Variants in GPR55 observed in about 807,000 individuals in gnomAD.
GPR55 encodes G protein-coupled receptor 55.
In GPR55, 6 loss-of-function variants were observed where a neutral mutation model predicts 7.9. The ratio of observed to expected loss-of-function variants is 0.76; its 90% CI spans 0.41 to 1.49. The LOEUF (loss-of-function observed/expected upper bound fraction) is 1.49. GPR55 is among the 40% of genes most tolerant of loss of function. The probability of loss-of-function intolerance (pLI) is 0.01; values close to 1 mark genes in which losing one functional copy is unlikely to be tolerated. For synonymous variants in GPR55, 183 were observed against 166.8 expected (o/e 1.10, Z -0.75); for missense variants, 376 against 406.0 (o/e 0.93, Z 0.63).
chr2:230,950,958 C>T (rs1213249658), intron 1 of GPR55, among the ~76,000 whole-genome samples: 3 of 152,146 alleles, frequency 2.0e-5, no homozygotes, highest in Non-Finnish European at 2.9e-5. Context: ...GCTGAGCACA[C>T]GGAGGTTCCT....
rs528530826 is a variant in GPR55 at position 230,919,559 on chromosome 2, T to A, written c.-135+5609A>T. 5.3e-5 allele frequency among the ~76,000 whole-genome samples: 8 copies of A among 152,330 alleles called. No homozygotes were observed. The East Asian group carries it at 1.5e-3, about 29-fold the overall frequency. ...TTTGGCAAGGGTTCTGTGAAACCAG[T>A]CACCAATATGCTAGTAAGTGTACAA... On this transcript the variant is annotated intron_variant, in intron 1 of 1. Coordinates refer to ENST00000650999, the MANE Select transcript of GPR55 (RefSeq NM_005683.4).
chr2:230,911,060 C>A lies in GPR55; in HGVS notation c.-98G>T. On this transcript the variant is annotated 5_prime_UTR_variant, in exon 2 of 2. Transcript: ENST00000650999. Reference sequence around the variant, plus strand: ...TTGTCAAGAATCACAAACACCTCCCCAGCATCACACAGCAATTCATGCCCA... The same window carrying A: ...TTGTCAAGAATCACAAACACCTCCCAAGCATCACACAGCAATTCATGCCCA... 8.5e-7 allele frequency: 1 copy of A among 1,172,684 alleles called. No individual in the cohort carries two copies. Among genetic ancestry groups the A allele is most frequent in the Non-Finnish European group, 1.2e-6 (1 of 820,632 alleles). The allele number at this position is 1,172,684 out of a possible 1,614,324, so 72.6% of individuals were successfully genotyped here.
chr2:230,950,907 T>A (rs1020612524), intron 1 of GPR55, among the ~76,000 whole-genome samples: 1 of 152,074 alleles, frequency 6.6e-6, no homozygotes, highest in Non-Finnish European at 1.5e-5. Context: ...GAAGCTTCCA[T>A]AAAAACCCCA....
chr2:230,937,884 G>A (rs1691157976), intron 1 of GPR55, among the ~76,000 whole-genome samples: 1 of 152,130 alleles, frequency 6.6e-6, no homozygotes, highest in Admixed American at 6.5e-5. Context: ...TTGGGGCACA[G>A]TGGCTCATGC....
At chr2:230,939,204 G>A (rs1041106587) in intron 1 of GPR55, among the ~76,000 whole-genome samples, 1 of 152,208 alleles carries the variant, frequency 6.6e-6, no homozygotes, top group African/African-American at 2.4e-5. Context: ...TGGAGTTCTG[G>A]GGGGGCAGGG....
chr2:230,911,058 C>T lies in GPR55; in HGVS notation c.-96G>A. The T allele has an allele frequency of 8.1e-7, 1 of 1,241,384 alleles. No individual in the cohort carries two copies. The highest frequency in any genetic ancestry group is 1.1e-6 in the Non-Finnish European group (1 of 881,932). The allele number at this position is 1,241,384 out of a possible 1,614,324, so 76.9% of individuals were successfully genotyped here. A position where few individuals can be genotyped will look rare whatever the true frequency, so the allele number is the denominator to read the frequency against. On this transcript the variant is annotated 5_prime_UTR_variant, in exon 2 of 2. Transcript: ENST00000650999. ...CTTTGTCAAGAATCACAAACACCTCCCCAGCATCACACAGCAATTCATGCC... is the reference window on the plus strand; with the variant it reads ...CTTTGTCAAGAATCACAAACACCTCTCCAGCATCACACAGCAATTCATGCC...
chr2:230,934,523 G>A (rs1021670014), intron 1 of GPR55, among the ~76,000 whole-genome samples: 9 of 152,168 alleles, frequency 5.9e-5, no homozygotes, highest in African/African-American at 1.9e-4. Context: ...AAGAACCAGG[G>A]ACAGCCAGCC....
intron 1 of GPR55, among the ~76,000 whole-genome samples, chr2:230,920,996 CTT>C (rs1382012206): frequency 6.6e-6 from 1 of 151,950 alleles, no homozygotes; most frequent in African/African-American, 2.4e-5. Context: ...ATAGCATAAT[CTT>C]TGGTTTATCA....
At chr2:230,946,483 C>T (rs1691320302) in intron 1 of GPR55, among the ~76,000 whole-genome samples, 2 of 152,198 alleles carry the variant, frequency 1.3e-5, no homozygotes, top group South Asian at 2.1e-4. Context: ...TCATCATTCA[C>T]ATATCCAATT....
At chr2:230,927,611 C>A (rs562799902), upstream of GPR55, among the ~76,000 whole-genome samples, 11 of 152,354 alleles carry the variant, frequency 7.2e-5, no homozygotes, top group African/African-American at 2.6e-4. Flanking sequence ...GGAGCCTGGG[C>A]AGGTCCCTGC....
In GPR55 at chr2:230,958,158, G is replaced by A. The variant is rs1574639089; in HGVS notation, c.-135+2617C>T. Among the ~76,000 whole-genome samples the A allele has an allele frequency of 3.9e-5, 6 of 152,154 alleles. No homozygotes were observed. The South Asian group carries it at 1.0e-3, about 26-fold the overall frequency. On this transcript the variant is annotated intron_variant, in intron 1 of 1. Transcript: ENST00000392039. ...ATTTTCAGGCTGTGGCTAAAACTCA[G>A]GATAGTGAAACCACACATAAGAGAG...
chr2:230,947,295 G>A (rs1691333367), intron 1 of GPR55, among the ~76,000 whole-genome samples: 1 of 152,192 alleles, frequency 6.6e-6, no homozygotes, highest in African/African-American at 2.4e-5. Flanking sequence ...GCTGGAGCCT[G>A]CCAGCTGCAC....
At chr2:230,920,813 C>T (rs556338692) in intron 1 of GPR55, among the ~76,000 whole-genome samples, 1 of 151,784 alleles carries the variant, frequency 6.6e-6, no homozygotes, top group East Asian at 1.9e-4. Context: ...TATAATATCA[C>T]AATATAGAAA....
chr2:230,936,099 T>C (rs1297079337), intron 1 of GPR55, among the ~76,000 whole-genome samples: 2 of 151,760 alleles, frequency 1.3e-5, no homozygotes, highest in African/African-American at 2.4e-5. Flanking sequence ...TGCACAAAGG[T>C]GGAAAGGAGT....
At chr2:230,960,641 A>G (rs1691553552) in intron 1 of GPR55, 1 of 152,212 alleles carries the variant, frequency 6.6e-6, no homozygotes, top group Non-Finnish European at 1.5e-5. Context: ...CATTACTTCC[A>G]TTTTTACAAG....
intron 1 of GPR55, among the ~76,000 whole-genome samples, chr2:230,958,259 A>G (rs1384039299): frequency 6.6e-6 from 1 of 152,222 alleles, no homozygotes; most frequent in Non-Finnish European, 1.5e-5. Context: ...AAATTTTTTT[A>G]AATGTTTATG....
intron 1 of GPR55, 50 bp downstream of exon 1, chr2:230,925,118 G>T (rs1015593164): frequency 6.5e-6 from 1 of 152,818 alleles, no homozygotes; most frequent in Non-Finnish European, 1.5e-5. Flanking sequence ...AGCAAGGTCA[G>T]GTTGGAGGCT....
Position 230,923,386 on chromosome 2 carries a change from G to A in GPR55, c.-135+1782C>T, listed in dbSNP as rs1300694173. On this transcript the variant is annotated intron_variant, in intron 1 of 1. Transcript: ENST00000650999. The surrounding 1 kb of genome is among the most constrained non-coding windows in gnomAD (Gnocchi z 4.1). The stretch of plus-strand genomic sequence containing the variant: ...AAAAGCAGCATTGGCACAGCCGCAG[G>A]GATGGATTTGAGGAGCCCTGGAATA... Among the ~76,000 whole-genome samples the A allele has an allele frequency of 6.6e-6, 1 of 152,224 alleles. No individual in the cohort carries two copies. The highest frequency in any genetic ancestry group is 1.5e-5 in the Non-Finnish European group (1 of 68,038).
intron 1 of GPR55, among the ~76,000 whole-genome samples, chr2:230,956,369 G>A (rs1691484384): frequency 6.6e-6 from 1 of 151,660 alleles, no homozygotes; most frequent in South Asian, 2.1e-4. Flanking sequence ...GTTTCACCAT[G>A]TTGGCCAGGC....
Sources: allele counts gnomAD v4.1 joint callset (sites outside exome capture counted in the v4.1 genomes callset), GRCh38; gene constraint gnomAD v4.1.1; non-coding constraint Gnocchi (gnomAD v3.1); transcripts MANE v1.5; gene names NCBI Gene and HGNC (gene_info 2026-07-23, HGNC 2026-07-21).